The following VRK2 variants were observed in gnomAD, a reference collection of about 807,000 sequenced individuals.
VRK2 encodes the protein VRK serine/threonine kinase 2, also known as serine/threonine-protein kinase VRK2.
Under a neutral mutation model 57.6 loss-of-function variants are expected in VRK2, and 60 were observed. That is an observed-to-expected ratio of 1.04 (90% confidence interval 0.85 to 1.29). The LOEUF is 1.29. VRK2 is among the 50% of genes most tolerant of loss of function. VRK2 has a pLI of 0.00. For synonymous variants in VRK2, 231 were observed against 199.2 expected (o/e 1.16, Z -1.35); for missense variants, 705 against 588.1 (o/e 1.20, Z -2.06).
At chr2:58,036,731 A>G (rs1227153001) in intron 3 of VRK2, among the ~76,000 whole-genome samples, 1 of 151,998 alleles carries the variant, frequency 6.6e-6, no homozygotes, top group African/African-American at 2.4e-5. Flanking sequence ...ATCACACACA[A>G]GTAGTTAGTG....
chr2:57,931,061 T>C (rs1186927356), intron 1 of VRK2, among the ~76,000 whole-genome samples: 1 of 152,136 alleles, frequency 6.6e-6, no homozygotes, highest in Non-Finnish European at 1.5e-5. Context: ...GACAATTAAG[T>C]TGCTTCCATA....
intron 1 of VRK2, among the ~76,000 whole-genome samples, chr2:57,932,410 T>A (rs1310383275): frequency 1.3e-5 from 2 of 152,174 alleles, no homozygotes; most frequent in African/African-American, 4.8e-5. Flanking sequence ...CCTTTTTAAA[T>A]ATAAAATTCA....
At chr2:58,061,743 T>C (rs1677374386) in intron 2 of VRK2, among the ~76,000 whole-genome samples, 1 of 152,058 alleles carries the variant, frequency 6.6e-6, no homozygotes, top group African/African-American at 2.4e-5. Context: ...TGTTTATTTT[T>C]ATCCTTGAAG....
At chr2:57,910,156 A>G (rs561751823) in intron 1 of VRK2, among the ~76,000 whole-genome samples, 1 of 151,130 alleles carries the variant, frequency 6.6e-6, no homozygotes, top group South Asian at 2.1e-4. Context: ...TCGTTGATCT[A>G]TTTTCTACAA....
chr2:58,130,579 A>G (rs983384129), intron 8 of VRK2, among the ~76,000 whole-genome samples: 7 of 152,206 alleles, frequency 4.6e-5, no homozygotes, highest in African/African-American at 1.4e-4. Context: ...TAACTTATAC[A>G]TGGTAACCAA....
chr2:58,122,381 GATAAC>G (rs908668643), intron 7 of VRK2, among the ~76,000 whole-genome samples: 1 of 152,056 alleles, frequency 6.6e-6, no homozygotes, highest in Admixed American at 6.6e-5. Flanking sequence ...AAGCCTTCCT[GATAAC>G]ATAAACAATC....
intron 1 of VRK2, among the ~76,000 whole-genome samples, chr2:57,969,870 C>T (rs115437837): frequency 0.017 from 2,586 of 152,090 alleles, 58 homozygotes; most frequent in Middle Eastern, 0.058. Flanking sequence ...TAGCTTCAAA[C>T]ATGTTTTCTG....
At chr2:58,112,343 T>A (rs1429832552) in intron 7 of VRK2, among the ~76,000 whole-genome samples, 1 of 152,180 alleles carries the variant, frequency 6.6e-6, no homozygotes, top group African/African-American at 2.4e-5. Context: ...TAATAGAACC[T>A]CAAAAGATAT....
chr2:58,120,957 T>C (rs1234315835), intron 7 of VRK2, among the ~76,000 whole-genome samples: 5 of 152,382 alleles, frequency 3.3e-5, no homozygotes, highest in African/African-American at 7.2e-5. Flanking sequence ...CTCTCATCTA[T>C]ATTGCACTCG....
At chr2:58,005,667 G>A (rs756664982) in intron 1 of VRK2, among the ~76,000 whole-genome samples, 1 of 152,084 alleles carries the variant, frequency 6.6e-6, no homozygotes, top group East Asian at 1.9e-4. Context: ...TATTGAGAGG[G>A]TCAGTAAAAA....
At chr2:57,928,070 T>A (rs1670599992) in intron 1 of VRK2, among the ~76,000 whole-genome samples, 1 of 152,190 alleles carries the variant, frequency 6.6e-6, no homozygotes, top group Non-Finnish European at 1.5e-5. Context: ...TTGATGTCTT[T>A]CTCTAGGCTT....
In VRK2 at chr2:58,137,643, C is replaced by T. The variant is rs535242674; in HGVS notation, c.857-2023C>T. ...GAACTGATTTACAAAAGTTTATTAC[C>T]GAAACATTTTATGAAATAAAACAGC... is the stretch of plus-strand genomic sequence containing the variant. On this transcript the variant is annotated intron_variant, in intron 10 of 12. Transcript: ENST00000340157. Among the ~76,000 whole-genome samples the T allele has an allele frequency of 5.9e-5, 9 of 152,008 alleles. No individual in the cohort carries two copies. In the East Asian group the frequency reaches 1.4e-3, roughly 23 times the overall value.
intron 10 of VRK2, among the ~76,000 whole-genome samples, chr2:58,138,225 GTAATT>G (rs1420937635): frequency 6.6e-6 from 1 of 152,184 alleles, no homozygotes; most frequent in South Asian, 2.1e-4. Context: ...AGTAGTGAAT[GTAATT>G]TAATTTTTTA....
chr2:58,019,576 T>C (rs1479925066), intron 1 of VRK2, among the ~76,000 whole-genome samples: 1 of 152,238 alleles, frequency 6.6e-6, no homozygotes, highest in Non-Finnish European at 1.5e-5. Flanking sequence ...ATTCCAGTTA[T>C]TTTAGAATTA....
At chr2:57,924,021 T>A (rs1670450849) in intron 1 of VRK2, among the ~76,000 whole-genome samples, 1 of 152,004 alleles carries the variant, frequency 6.6e-6, no homozygotes, top group Non-Finnish European at 1.5e-5. Flanking sequence ...TTGTCAAAAA[T>A]GAGTCTATTC....
intron 2 of VRK2, among the ~76,000 whole-genome samples, chr2:58,029,781 T>C (rs1674056863): frequency 6.6e-6 from 1 of 152,148 alleles, no homozygotes; most frequent in Non-Finnish European, 1.5e-5. Flanking sequence ...TGACTCATCC[T>C]ACATTACCTT....
At chr2:58,026,190 C>A (rs547633215) in intron 2 of VRK2, among the ~76,000 whole-genome samples, 2 of 152,150 alleles carry the variant, frequency 1.3e-5, no homozygotes, top group East Asian at 3.9e-4. Flanking sequence ...ATTGTCCCTT[C>A]TAAGAGAATA....
chr2:58,132,937 T>G (rs1373260476), intron 9 of VRK2, among the ~76,000 whole-genome samples: 2 of 152,342 alleles, frequency 1.3e-5, no homozygotes, highest in Non-Finnish European at 2.9e-5. Flanking sequence ...AGTTATTTAC[T>G]GCAGTGATTG....
chr2:58,077,649 TG>T (rs2104063623), intron 2 of VRK2, among the ~76,000 whole-genome samples: 1 of 152,238 alleles, frequency 6.6e-6, no homozygotes, highest in Admixed American at 6.6e-5. Flanking sequence ...AGTAATTTTC[TG>T]GGAGACTTCT....
Sources: allele counts gnomAD v4.1 joint callset (sites outside exome capture counted in the v4.1 genomes callset), GRCh38; gene constraint gnomAD v4.1.1; transcripts MANE v1.5; gene names NCBI Gene and HGNC (gene_info 2026-07-23, HGNC 2026-07-21).